IQCM: variants seen among roughly 807,000 people sequenced by gnomAD.
IQCM encodes the protein IQ domain-containing protein M.
Under a neutral mutation model 57.6 loss-of-function variants are expected in IQCM, and 45 were observed. The ratio of observed to expected loss-of-function variants is 0.78; its 90% CI spans 0.62 to 1.00. The LOEUF is 1.00. IQCM is among the 50% of genes least tolerant of loss of function. The pLI, the probability that IQCM is intolerant of heterozygous loss-of-function variation, is 0.00. For missense variants in IQCM, 468 were observed against 511.6 expected (o/e 0.91, Z 0.82); for synonymous variants, 148 against 158.9 (o/e 0.93, Z 0.51).
intron 12 of IQCM, among the ~76,000 whole-genome samples, chr4:149,492,853 C>G (rs1484947695): frequency 6.6e-6 from 1 of 152,070 alleles, no homozygotes; most frequent in African/African-American, 2.4e-5. Context: ...AGACTGAAAA[C>G]AGGTATAAAA....
At chr4:149,763,099 G>A (rs541213190) in intron 2 of IQCM, among the ~76,000 whole-genome samples, 1 of 151,822 alleles carries the variant, frequency 6.6e-6, no homozygotes, top group Non-Finnish European at 1.5e-5. Flanking sequence ...ATCTAATATT[G>A]GCCTTCATCC....
At chr4:149,428,201 C>A (rs927287372) in intron 13 of IQCM, among the ~76,000 whole-genome samples, 42 of 151,668 alleles carry the variant, frequency 2.8e-4, no homozygotes, top group Admixed American at 2.5e-3. Context: ...ATTACATACA[C>A]ATCATATAGT....
At chr4:149,740,762 T>G (rs1767383201) in intron 3 of IQCM, among the ~76,000 whole-genome samples, 1 of 152,066 alleles carries the variant, frequency 6.6e-6, no homozygotes, top group Non-Finnish European at 1.5e-5. Flanking sequence ...TGCTGAAAAG[T>G]AAACATACAA....
At chr4:149,402,434 G>A (rs1413704866) in intron 13 of IQCM, among the ~76,000 whole-genome samples, 4 of 151,722 alleles carry the variant, frequency 2.6e-5, no homozygotes, top group African/African-American at 9.7e-5. Context: ...CATTTTGGTG[G>A]ATATCTGTTG....
At chr4:149,367,300 G>A (rs1459305778) in intron 13 of IQCM, among the ~76,000 whole-genome samples, 1 of 151,968 alleles carries the variant, frequency 6.6e-6, no homozygotes, top group Non-Finnish European at 1.5e-5. Flanking sequence ...CAAAACACCA[G>A]TAATTCACTT....
intron 13 of IQCM, among the ~76,000 whole-genome samples, chr4:149,432,604 A>C (rs1389373943): frequency 6.6e-6 from 1 of 152,014 alleles, no homozygotes; most frequent in East Asian, 1.9e-4. Context: ...TGGCAGCAAA[A>C]GCATGCAATA....
chr4:149,429,720 A>G (rs944711945), intron 13 of IQCM, among the ~76,000 whole-genome samples: 1 of 151,916 alleles, frequency 6.6e-6, no homozygotes, highest in African/African-American at 2.4e-5. Context: ...TAAAATGTTT[A>G]TAGTTAAGGA....
At chr4:149,706,514 T>G (rs1214130658) in intron 5 of IQCM, among the ~76,000 whole-genome samples, 1 of 152,018 alleles carries the variant, frequency 6.6e-6, no homozygotes. Flanking sequence ...TGTTACCTGC[T>G]GATCTTAGAA....
intron 12 of IQCM, among the ~76,000 whole-genome samples, chr4:149,481,701 G>GTTTTTTTTTCTTTTTTTTTTTTTTTTTTT (rs1740824649): frequency 1.9e-5 from 1 of 51,550 alleles, no homozygotes; most frequent in Non-Finnish European, 3.7e-5. Flanking sequence ...TTCCAGTTTT[G>GTTTTTTTTTCTTTTTTTTTTTTTTTTTTT]TTTTTTTTTT....
At chr4:149,363,263 A>G (rs1729615559) in intron 13 of IQCM, among the ~76,000 whole-genome samples, 1 of 152,196 alleles carries the variant, frequency 6.6e-6, no homozygotes, top group Admixed American at 6.5e-5. Flanking sequence ...TGGCAACAGC[A>G]GCAGCAAGAC....
At chr4:149,749,126 T>C (rs982424927) in intron 2 of IQCM, among the ~76,000 whole-genome samples, 8 of 152,304 alleles carry the variant, frequency 5.3e-5, no homozygotes, top group East Asian at 1.9e-4. Context: ...GCAGTGTTAG[T>C]TGGTAGTCTT....
chr4:149,560,819 T>C (rs1356138855), intron 10 of IQCM, among the ~76,000 whole-genome samples: 1 of 152,120 alleles, frequency 6.6e-6, no homozygotes, highest in Non-Finnish European at 1.5e-5. Context: ...AGCAACAAAC[T>C]CTGAAGTGGC....
At chr4:149,553,389 G>A (rs1579465062) in intron 10 of IQCM, 102 bp from the exon 11 acceptor site, 1 of 963,390 alleles carries the variant, frequency 1.0e-6, no homozygotes, top group East Asian at 3.3e-5. Flanking sequence ...AAGATTATGG[G>A]TGTATTTATT....
intron 7 of IQCM, among the ~76,000 whole-genome samples, chr4:149,631,669 T>G (rs1757277306): frequency 6.6e-6 from 1 of 152,232 alleles, no homozygotes; most frequent in African/African-American, 2.4e-5. Context: ...AGCTTTTGGT[T>G]TGATCAATTT....
intron 12 of IQCM, among the ~76,000 whole-genome samples, chr4:149,525,687 T>C (rs1484487666): frequency 6.6e-6 from 1 of 151,922 alleles, no homozygotes; most frequent in Non-Finnish European, 1.5e-5. Context: ...ATAGGTTCTA[T>C]GTGTACCTTG....
intron 5 of IQCM, among the ~76,000 whole-genome samples, chr4:149,697,006 C>G (rs1348223429): frequency 6.6e-6 from 1 of 152,150 alleles, no homozygotes; most frequent in Non-Finnish European, 1.5e-5. Context: ...TGAAAAATCA[C>G]TTTCTCTGGT....
chr4:149,706,220 T>A (rs1764150005), intron 5 of IQCM, among the ~76,000 whole-genome samples: 1 of 151,942 alleles, frequency 6.6e-6, no homozygotes, highest in Non-Finnish European at 1.5e-5. Flanking sequence ...TTCAGCATAA[T>A]GATGGGTTAG....
chr4:149,439,153 C>G (rs960868312), intron 12 of IQCM, among the ~76,000 whole-genome samples: 1 of 151,896 alleles, frequency 6.6e-6, no homozygotes, highest in Non-Finnish European at 1.5e-5. Flanking sequence ...CTTTATAAAT[C>G]CAATCAAAAT....
rs1030660486 is a variant in IQCM at position 149,498,706 on chromosome 4, C to A, written c.1228+49749G>T. Among the ~76,000 whole-genome samples, 5 of 152,110 alleles carry A rather than the reference C, an allele frequency of 3.3e-5. No individual in the cohort carries two copies. In the South Asian group the frequency reaches 8.3e-4, roughly 25 times the overall value. On this transcript the variant is annotated intron_variant, in intron 12 of 13. Coordinates refer to ENST00000636793, the MANE Select transcript of IQCM (RefSeq NM_001363507.2). ...TCAGGTAAAAAATATCTACATTCCT[C>A]TTCTCCCTCCACTTCTTCCTACTAC...
Sources: allele counts gnomAD v4.1 joint callset (sites outside exome capture counted in the v4.1 genomes callset), GRCh38; gene constraint gnomAD v4.1.1; transcripts MANE v1.5; gene names NCBI Gene and HGNC (gene_info 2026-07-23, HGNC 2026-07-21).